DNAI4: variants seen among roughly 807,000 people sequenced by gnomAD.
DNAI4 encodes the protein WD repeat domain 78.
A neutral mutation model predicts 105.8 loss-of-function variants in DNAI4; 85 were observed. The ratio of observed to expected loss-of-function variants is 0.80; its 90% CI spans 0.67 to 0.96. DNAI4 has a LOEUF of 0.96. Among genes scored for constraint, DNAI4 ranks in the 40% least tolerant of loss-of-function variants. The pLI is 0.00. For synonymous variants in DNAI4, 352 were observed against 331.5 expected (o/e 1.06, Z -0.67); for missense variants, 1,014 against 1,005.6 (o/e 1.01, Z -0.11).
chr1:66,828,049 G>T (rs1483424459), intron 13 of DNAI4, 139 bp from the exon 14 acceptor site: 2 of 471,166 alleles, frequency 4.2e-6, no homozygotes, highest in African/African-American at 2.0e-5. Flanking sequence ...TACCAATCTT[G>T]TCTTTTTCTT....
chr1:66,906,779 A>G (rs1243321046), intron 1 of DNAI4: 1 of 152,118 alleles, frequency 6.6e-6, no homozygotes, highest in Non-Finnish European at 1.5e-5. Flanking sequence ...CATCTCTAAA[A>G]AAAAATAAAC....
intron 6 of DNAI4, among the ~76,000 whole-genome samples, chr1:66,867,094 A>C (rs914959263): frequency 1.3e-5 from 2 of 152,300 alleles, no homozygotes; most frequent in East Asian, 1.9e-4. Context: ...TCCCTCTCAC[A>C]ACATGTAGGA....
chr1:66,879,360 A>G (rs1161665290), intron 4 of DNAI4, among the ~76,000 whole-genome samples: 1 of 152,226 alleles, frequency 6.6e-6, no homozygotes, highest in Admixed American at 6.5e-5. Flanking sequence ...GCATGGATTC[A>G]TAGCTCATTT....
intron 16 of DNAI4, among the ~76,000 whole-genome samples, chr1:66,817,644 T>G (rs1572577222): frequency 1.3e-5 from 2 of 152,090 alleles, no homozygotes; most frequent in African/African-American, 4.8e-5. Context: ...CTACAAAAGT[T>G]GTAATCCTAC....
chr1:66,846,527 T>C (rs1646279086), intron 8 of DNAI4, among the ~76,000 whole-genome samples: 1 of 152,204 alleles, frequency 6.6e-6, no homozygotes, highest in Non-Finnish European at 1.5e-5. Flanking sequence ...TAGGTTCTAT[T>C]TGAGGATTAC....
chr1:66,838,988 A>C (rs2100465199), intron 9 of DNAI4, among the ~76,000 whole-genome samples: 1 of 152,378 alleles, frequency 6.6e-6, no homozygotes, highest in East Asian at 1.9e-4. Context: ...ACAATGAATT[A>C]ATAAACATAG....
At chr1:66,876,306 C>T (rs186398485) in intron 4 of DNAI4, among the ~76,000 whole-genome samples, 36 of 152,138 alleles carry the variant, frequency 2.4e-4, no homozygotes, top group African/African-American at 7.5e-4. Flanking sequence ...TTAAGGCTAG[C>T]GATTTAGGCT....
At position 66,874,819 on chromosome 1, in the gene DNAI4, G is replaced by T; in HGVS notation, c.762C>A (p.Val254=). ...ETLRFFDLPT[V]MVSVESEEAE... ...CTTCTTCAGATTCTACAGAGACCAT[G>T]ACTGTGGGCAAGTCAAAAAATCTCA... The change falls in exon 5 of 17, where the codon GTC becomes GTA. Residue 254 remains valine (V), a synonymous_variant. Coordinates refer to ENST00000371026, the MANE Select transcript of DNAI4 (RefSeq NM_024763.5). 1 of 1,613,672 alleles carries T rather than the reference G, an allele frequency of 6.2e-7. No individual in the cohort carries two copies. Among genetic ancestry groups the T allele is most frequent in the Non-Finnish European group, 8.5e-7 (1 of 1,179,772 alleles).
chr1:66,814,615 A>G (rs971701697), intron 16 of DNAI4, among the ~76,000 whole-genome samples: 6 of 152,098 alleles, frequency 3.9e-5, no homozygotes, highest in Non-Finnish European at 5.9e-5. Context: ...TGATTCGCCC[A>G]CCTTGGCCTC....
At chr1:66,910,200 G>A (rs774809908) in intron 1 of DNAI4, among the ~76,000 whole-genome samples, 5 of 152,024 alleles carry the variant, frequency 3.3e-5, no homozygotes, top group African/African-American at 7.2e-5. Context: ...GCAACAGAGC[G>A]AGACCCTGTC....
At chr1:66,836,180 GAA>G (rs1645989070) in intron 10 of DNAI4, among the ~76,000 whole-genome samples, 1 of 56,984 alleles carries the variant, frequency 1.8e-5, no homozygotes, top group African/African-American at 6.2e-5. Context: ...AAGAAAGAAA[GAA>G]AGAAAGAAAG....
At chr1:66,828,770 C>A (rs560610114) in intron 13 of DNAI4, among the ~76,000 whole-genome samples, 1 of 152,042 alleles carries the variant, frequency 6.6e-6, no homozygotes, top group African/African-American at 2.4e-5. Flanking sequence ...TTATATTTAG[C>A]ATTTTTTGTG....
intron 13 of DNAI4, 129 bp downstream of exon 13, chr1:66,833,456 T>C: frequency 1.8e-6 from 2 of 1,084,114 alleles, no homozygotes; most frequent in Non-Finnish European, 2.5e-6. Context: ...ATTTATCTAC[T>C]TTCTGTCTCT....
At chr1:66,913,990 A>G (rs993246973) in intron 1 of DNAI4, among the ~76,000 whole-genome samples, 2 of 151,900 alleles carry the variant, frequency 1.3e-5, no homozygotes, top group Non-Finnish European at 2.9e-5. Flanking sequence ...TCTCAAAAAA[A>G]AAAAAAAAAG....
At chr1:66,897,955 C>G (rs1648469774) in intron 2 of DNAI4, among the ~76,000 whole-genome samples, 1 of 152,142 alleles carries the variant, frequency 6.6e-6, no homozygotes, top group African/African-American at 2.4e-5. Flanking sequence ...ACAGAGCTAT[C>G]AGCCTGCAAA....
intron 5 of DNAI4, among the ~76,000 whole-genome samples, chr1:66,874,445 A>T (rs1646918771): frequency 6.6e-6 from 1 of 152,138 alleles, no homozygotes; most frequent in Admixed American, 6.5e-5. Flanking sequence ...AAAATGATTT[A>T]TATATGTATA....
In DNAI4 at chr1:66,847,649, C is replaced by T. The variant is rs1646306791; in HGVS notation, c.1126G>A (p.Glu376Lys). 1 of 1,612,198 alleles carries T rather than the reference C, an allele frequency of 6.2e-7. No individual in the cohort carries two copies. Among genetic ancestry groups the T allele is most frequent in the Non-Finnish European group, 8.5e-7 (1 of 1,179,360 alleles). Reference sequence around the variant, plus strand: ...TGGATTTTTGCCAGAATTACATTTTCTATGTCCATTAGAGAACTAGTTTCA... The same window carrying T: ...TGGATTTTTGCCAGAATTACATTTTTTATGTCCATTAGAGAACTAGTTTCA... ...NSETSSLMDI[E>K]NVILAKIHED... is the part of the protein sequence containing the mutation. Residue 376 changes from glutamate to lysine, a missense_variant, in exon 8 of 17, where the codon GAA (glutamate) becomes AAA (lysine). Coordinates refer to ENST00000371026, the MANE Select transcript of DNAI4 (RefSeq NM_024763.5).
At chr1:66,892,689 T>C (rs1215351673) in intron 3 of DNAI4, among the ~76,000 whole-genome samples, 1 of 152,034 alleles carries the variant, frequency 6.6e-6, no homozygotes, top group African/African-American at 2.4e-5. Flanking sequence ...GTGGATCACC[T>C]GAGGTCAGGA....
rs534984894 is a variant in DNAI4, at chr1:66,924,664, C to G, written c.168G>C (p.Gly56=). ...PAGSHKQQNF[G]LNNATQPKKS... ...CGGTTTTTAGCGCCGGAACTTACAA[C>G]CCGAAGTTCTGCTGCTTGTGACTGC... Residue 56 remains glycine (G), a splice_region_variant and synonymous_variant, in exon 1 of 17, where the codon GGG becomes GGC. Transcript: ENST00000371026. 1 of 1,614,146 alleles carries G rather than the reference C, an allele frequency of 6.2e-7. No homozygotes were observed. Among genetic ancestry groups the G allele is most frequent in the East Asian group, 2.2e-5 (1 of 44,898 alleles).
Sources: allele counts gnomAD v4.1 joint callset (sites outside exome capture counted in the v4.1 genomes callset), GRCh38; gene constraint gnomAD v4.1.1; transcripts MANE v1.5; gene names NCBI Gene and HGNC (gene_info 2026-07-23, HGNC 2026-07-21).